Variants in CEP350 observed in about 807,000 individuals in gnomAD.
CEP350 encodes the protein centrosome-associated protein 350.
Under a neutral mutation model 331.8 loss-of-function variants are expected in CEP350, and 126 were observed. The ratio of observed to expected loss-of-function variants is 0.38; its 90% CI spans 0.33 to 0.44. The LOEUF is 0.44. CEP350 is among the 20% of genes least tolerant of loss of function. The pLI is 1.00. For synonymous variants in CEP350, 1,200 were observed against 1,259.5 expected (o/e 0.95, Z 1.00); for missense variants, 3,406 against 3,634.6 (o/e 0.94, Z 1.62).
chr1:180,091,182 C>CTT (rs112664451), intron 33 of CEP350, among the ~76,000 whole-genome samples: 3 of 141,910 alleles, frequency 2.1e-5, no homozygotes, highest in African/African-American at 2.6e-5. Context: ...CCCAGCTCAT[C>CTT]TTTTTTTTTT....
At chr1:179,988,864 CAG>C (rs1452183428) in intron 3 of CEP350, among the ~76,000 whole-genome samples, 9 of 152,042 alleles carry the variant, frequency 5.9e-5, no homozygotes, top group Admixed American at 5.9e-4. Flanking sequence ...GGTCCCAATG[CAG>C]AGTCATATTT....
At chr1:180,038,404 A>G (rs1439255905) in intron 17 of CEP350, among the ~76,000 whole-genome samples, 1 of 152,324 alleles carries the variant, frequency 6.6e-6, no homozygotes, top group East Asian at 1.9e-4. Flanking sequence ...TTCTTGTATA[A>G]GTACCTAGGA....
Position 179,966,142 on chromosome 1 carries a change from C to T in CEP350, c.-14+11000C>T, listed in dbSNP as rs199582134. On this transcript the variant is annotated intron_variant, in intron 1 of 37. Transcript: ENST00000367607. The stretch of plus-strand genomic sequence containing the variant: ...TTTCACCTTCAGGGAAGAGTAGTAA[C>T]GGAGCTGAAAGATTAGCAGATTTAA... 1.5e-4 allele frequency among the ~76,000 whole-genome samples: 23 copies of T among 152,212 alleles called. No individual in the cohort carries two copies. The East Asian group carries it at 3.3e-3, about 22-fold the overall frequency.
chr1:180,075,528 C>T (rs2149064106), intron 28 of CEP350, among the ~76,000 whole-genome samples: 1 of 152,154 alleles, frequency 6.6e-6, no homozygotes, highest in Admixed American at 6.5e-5. Context: ...ATGATCAACC[C>T]CACTGTGCTC....
chr1:180,103,171 C>A (rs913465995), intron 37 of CEP350, among the ~76,000 whole-genome samples: 1 of 152,208 alleles, frequency 6.6e-6, no homozygotes, highest in African/African-American at 2.4e-5. Flanking sequence ...CCACCCTAAT[C>A]TTATTATGCA....
At chr1:179,976,534 G>A (rs777897106) in intron 1 of CEP350, among the ~76,000 whole-genome samples, 9 of 151,592 alleles carry the variant, frequency 5.9e-5, no homozygotes, top group Non-Finnish European at 1.2e-4. Flanking sequence ...AGAAATATAT[G>A]TCCCAGCTAC....
intron 25 of CEP350, among the ~76,000 whole-genome samples, chr1:180,060,866 A>G (rs150477490): frequency 1.0e-3 from 155 of 152,042 alleles, no homozygotes; most frequent in African/African-American, 3.6e-3. Flanking sequence ...TTTTGCAGAT[A>G]AGCACAAATA....
At chr1:180,094,680 C>A (rs983340689) in intron 34 of CEP350, 64 bp downstream of exon 34, 1 of 1,504,556 alleles carries the variant, frequency 6.6e-7, no homozygotes, top group Non-Finnish European at 8.9e-7. Flanking sequence ...GGCAACTTAC[C>A]TTGCCTATAT....
chr1:179,985,044 C>T (rs1367867409), intron 1 of CEP350, among the ~76,000 whole-genome samples: 2 of 152,040 alleles, frequency 1.3e-5, no homozygotes, highest in Non-Finnish European at 2.9e-5. Context: ...CTTAAGTGTA[C>T]AGTTCAGTGG....
At chr1:179,960,324 C>G (rs1360090985) in intron 1 of CEP350, among the ~76,000 whole-genome samples, 1 of 152,140 alleles carries the variant, frequency 6.6e-6, no homozygotes, top group African/African-American at 2.4e-5. Flanking sequence ...GGAGAACATG[C>G]AGGCTCCACA....
intron 1 of CEP350, among the ~76,000 whole-genome samples, chr1:179,960,800 T>G (rs1269211075): frequency 6.6e-6 from 1 of 152,184 alleles, no homozygotes; most frequent in Non-Finnish European, 1.5e-5. Context: ...TATTTCAATT[T>G]ATACATATTT....
chr1:180,061,419 C>T (rs890225556), intron 25 of CEP350, among the ~76,000 whole-genome samples: 1 of 152,118 alleles, frequency 6.6e-6, no homozygotes, highest in Non-Finnish European at 1.5e-5. Context: ...CTAGTCAACT[C>T]CTGGGCTCAA....
Position 180,075,084 on chromosome 1 carries a change from A to G in CEP350, c.5630A>G (p.Glu1877Gly). The G allele has an allele frequency of 6.2e-7, 1 of 1,613,464 alleles. No homozygotes were observed. The highest frequency in any genetic ancestry group is 8.5e-7 in the Non-Finnish European group (1 of 1,179,672). ...CGACAACATGCAGAGGAGCTCCTAG[A>G]GTGGAAGCGACGTTTAGATGCAGAA... Reference protein sequence around the residue: ...QRRQHAEELLEWKRRLDAEEA... With the variant: ...QRRQHAEELLGWKRRLDAEEA... The change falls in exon 28 of 38, where the codon GAG becomes GGG. Residue 1877 changes from glutamate (E) to glycine (G), a missense_variant. Around this residue, in one of 5 missense-constraint regions of CEP350, gnomAD observed 1,415 missense variants for 1,512.3 expected, o/e 0.94. Transcript: ENST00000367607.
At chr1:180,094,904 G>A (rs1660392829) in intron 34 of CEP350, among the ~76,000 whole-genome samples, 1 of 152,194 alleles carries the variant, frequency 6.6e-6, no homozygotes, top group Non-Finnish European at 1.5e-5. Flanking sequence ...AAACTGCTGA[G>A]TTGACAACCC....
intron 22 of CEP350, among the ~76,000 whole-genome samples, chr1:180,051,388 A>G (rs1657489672): frequency 6.6e-6 from 1 of 152,222 alleles, no homozygotes; most frequent in South Asian, 2.1e-4. Context: ...TTTATATGAC[A>G]GTCTGTAAAA....
At chr1:179,998,290 T>C (rs1653606678) in intron 6 of CEP350, among the ~76,000 whole-genome samples, 1 of 144,196 alleles carries the variant, frequency 6.9e-6, no homozygotes, top group Non-Finnish European at 1.5e-5. Flanking sequence ...TAATAATTTG[T>C]TTCTTCTATT....
rs1367366391 is a variant in CEP350 at position 180,113,477 on chromosome 1, T to C, written c.*2316T>C. 6.6e-6 allele frequency: 1 copy of C among 152,176 alleles called. No homozygotes were observed. Among genetic ancestry groups the C allele is most frequent in the East Asian group, 1.9e-4 (1 of 5,192 alleles). The allele number at this position is 152,176 out of a possible 1,614,324, so 9.4% of individuals were successfully genotyped here. ...GCTGTCCTGACAGACTCCAACTGTC[T>C]TTACTATCTGAAGAATCCTAGGCTC... On this transcript the variant is annotated 3_prime_UTR_variant, in exon 38 of 38. Coordinates refer to ENST00000367607, the MANE Select transcript of CEP350 (RefSeq NM_014810.5).
At chr1:180,030,377 T>C (rs4651054) in intron 14 of CEP350, among the ~76,000 whole-genome samples, 73,346 of 147,290 alleles carry the variant, frequency 0.5, 22,331 homozygotes, top group Non-Finnish European at 0.65. Context: ...GAAATATATA[T>C]TTTATATTTA....
intron 10 of CEP350, 38 bp from the exon 11 acceptor site, chr1:180,015,811 G>T: frequency 6.3e-7 from 1 of 1,593,424 alleles, no homozygotes; most frequent in South Asian, 1.1e-5. Flanking sequence ...ATATCTTTGT[G>T]ACAGAACTCA....
Sources: gnomAD v4.1 joint callset for allele counts (sites outside exome capture counted in the v4.1 genomes callset) on GRCh38, gnomAD v4.1.1 for gene constraint, gnomAD v4.1.1 regional missense constraint, MANE v1.5 for transcripts, NCBI Gene and HGNC (gene_info 2026-07-23, HGNC 2026-07-21) for gene names.